The following TG variants were observed in gnomAD, a reference collection of about 807,000 sequenced individuals.
TG encodes thyroglobulin.
In TG, 270 loss-of-function variants were observed where a neutral mutation model predicts 324.7. The ratio of observed to expected loss-of-function variants is 0.83; its 90% CI spans 0.75 to 0.92. The LOEUF is 0.92. Among genes scored for constraint, TG ranks in the 40% least tolerant of loss-of-function variants. The pLI, the probability that TG is intolerant of heterozygous loss-of-function variation, is 0.00. For synonymous variants in TG, 1,401 were observed against 1,327.0 expected (o/e 1.06, Z -1.21); for missense variants, 3,591 against 3,456.4 (o/e 1.04, Z -0.98).
At chr8:132,978,043 C>T (rs987754405) in intron 34 of TG, among the ~76,000 whole-genome samples, 35 of 152,176 alleles carry the variant, frequency 2.3e-4, no homozygotes, top group Non-Finnish European at 4.7e-4. Flanking sequence ...TTTTGCATTG[C>T]TATAAAGGAG....
intron 41 of TG, among the ~76,000 whole-genome samples, chr8:133,044,419 T>G (rs115928087): frequency 0.01 from 1,535 of 152,262 alleles, 28 homozygotes; most frequent in African/African-American, 0.035. Flanking sequence ...ATGAATTAAA[T>G]GTAATTCTTA....
Position 133,131,891 on chromosome 8 carries a change from G to A in TG, c.7942G>A (p.Glu2648Lys). ...CTACGAGGGGCAGTTTTCTCTGGAG[G>A]AGAAGAGCCTGTCGCTGAAAATCAT... is the stretch of plus-strand genomic sequence containing the variant. ...PAYEGQFSLE[E>K]KSLSLKIMQY... Residue 2648 changes from glutamate (E) to lysine (K), a missense_variant, in exon 46 of 48, where the codon GAG (glutamate) becomes AAG (lysine). Physicochemically the swap from Glu to Lys is moderately conservative, Grantham distance 56. Coordinates refer to ENST00000220616, the MANE Select transcript of TG (RefSeq NM_003235.5). 1 of 1,614,188 alleles carries A rather than the reference G, an allele frequency of 6.2e-7. No individual in the cohort carries two copies. Among genetic ancestry groups the A allele is most frequent in the South Asian group, 1.1e-5 (1 of 91,080 alleles).
Position 133,093,407 on chromosome 8 carries a change from C to T in TG, c.7240-1637C>T, listed in dbSNP as rs188131836. ...AGAGTGAGCCACTGGCTGGAGATCACGTAGCCCAGGAGCCTTGCTTTGTTT... is the reference window on the plus strand; with the variant it reads ...AGAGTGAGCCACTGGCTGGAGATCATGTAGCCCAGGAGCCTTGCTTTGTTT... On this transcript the variant is annotated intron_variant, in intron 41 of 47. Transcript: ENST00000220616. 1.6e-3 allele frequency among the ~76,000 whole-genome samples: 249 copies of T among 152,260 alleles called. 1 individual carries two copies. Among genetic ancestry groups the T allele is most frequent in the Middle Eastern group, 6.8e-3 (2 of 294 alleles).
At chr8:133,028,226 G>T (rs115368840) in intron 40 of TG, among the ~76,000 whole-genome samples, 2,594 of 152,276 alleles carry the variant, frequency 0.017, 92 homozygotes, top group African/African-American at 0.06. Context: ...GACTCAGTTG[G>T]TGCCCTGCTT....
chr8:133,005,821 G>A (rs2130857827), intron 35 of TG, among the ~76,000 whole-genome samples: 2 of 152,282 alleles, frequency 1.3e-5, no homozygotes, highest in South Asian at 4.1e-4. Context: ...TGTGCAGAGG[G>A]CTGTGTGGTC....
chr8:132,998,465 C>T (rs1833099372), intron 35 of TG, among the ~76,000 whole-genome samples: 1 of 152,190 alleles, frequency 6.6e-6, no homozygotes. Flanking sequence ...TTTCTTTGCC[C>T]ATGCTCAGCA....
chr8:132,999,539 G>T (rs1480162514), intron 35 of TG, among the ~76,000 whole-genome samples: 1 of 152,160 alleles, frequency 6.6e-6, no homozygotes, highest in Non-Finnish European at 1.5e-5. Flanking sequence ...ACCCATTGAG[G>T]TGCATAACGA....
intron 41 of TG, among the ~76,000 whole-genome samples, chr8:133,086,313 A>G (rs1433384424): frequency 6.6e-6 from 1 of 152,256 alleles, no homozygotes; most frequent in Non-Finnish European, 1.5e-5. Flanking sequence ...GACTATAACT[A>G]AAAACCATTG....
intron 18 of TG, among the ~76,000 whole-genome samples, chr8:132,910,498 C>G (rs1218781029): frequency 3.9e-5 from 6 of 152,126 alleles, no homozygotes; most frequent in African/African-American, 1.4e-4. Context: ...AATTCATATC[C>G]AAACCATAAT....
chr8:132,871,198 C>A, intron 3 of TG, 150 bp from the exon 4 acceptor site: 1 of 781,980 alleles, frequency 1.3e-6, no homozygotes, highest in Admixed American at 2.0e-5. Flanking sequence ...TAGGCCTGTT[C>A]TGTGGCTGCC....
At chr8:132,889,679 A>C (rs929153354) in intron 10 of TG, among the ~76,000 whole-genome samples, 3 of 152,212 alleles carry the variant, frequency 2.0e-5, no homozygotes, top group Non-Finnish European at 4.4e-5. Context: ...TTACATGGGG[A>C]CATTCCTATA....
intron 41 of TG, among the ~76,000 whole-genome samples, chr8:133,071,042 T>G (rs1032449726): frequency 4.6e-5 from 7 of 152,220 alleles, no homozygotes; most frequent in African/African-American, 1.7e-4. Flanking sequence ...TTTCCTCTTT[T>G]GGTGTCAGTT....
intron 41 of TG, among the ~76,000 whole-genome samples, chr8:133,072,687 A>G (rs1182133199): frequency 1.3e-5 from 2 of 152,250 alleles, no homozygotes; most frequent in South Asian, 2.1e-4. Context: ...CACTAGAATG[A>G]ATAATTTCTG....
Position 132,887,175 on chromosome 8 carries a change from G to A in TG, c.1803G>A (p.Thr601=), listed in dbSNP as rs756212673. ...GAGATTTAGGTGATGTGATGGAAAC[G>A]GTACTCAGCTCCCAGACCTGTGAGC... ...VARDLGDVME[T]VLSSQTCEQT... The change falls in exon 9 of 48, where the codon ACG becomes ACA. Residue 601 remains threonine, a synonymous_variant. Transcript: ENST00000220616. 3.5e-5 allele frequency: 57 copies of A among 1,613,906 alleles called. No homozygotes were observed. The highest frequency in any genetic ancestry group is 4.2e-5 in the Non-Finnish European group (50 of 1,179,936).
rs1822309646 is a variant in TG, at chr8:132,929,101, A to C, written c.4725A>C (p.Pro1575=). The C allele has an allele frequency of 1.9e-6, 3 of 1,613,962 alleles. No individual in the cohort carries two copies. Among genetic ancestry groups the C allele is most frequent in the Non-Finnish European group, 8.5e-7 (1 of 1,180,028 alleles). ...CLMMQKFEKV[P]ESKVIFDANA... ...TGATGCAGAAGTTTGAGAAGGTTCC[A>C]GAATCAAAGGTGATCTTCGACGCCA... The change falls in exon 23 of 48, where the codon CCA becomes CCC. Residue 1575 remains proline (P), a synonymous_variant. Transcript: ENST00000220616.
chr8:132,967,868 C>G lies in TG; in HGVS notation c.5761C>G (p.Leu1921Val), dbSNP rs753941478. 3 of 1,614,014 alleles carry G rather than the reference C, an allele frequency of 1.9e-6. No individual in the cohort carries two copies. In the South Asian group the frequency reaches 3.3e-5, roughly 18 times the overall value. ...TGCATCCTTGTACTTCACCTGCACCCTCTACCCAGAGGCACAGGTGTGTGA... is the reference window on the plus strand; with the variant it reads ...TGCATCCTTGTACTTCACCTGCACCGTCTACCCAGAGGCACAGGTGTGTGA... ...ESASLYFTCT[L>V]YPEAQVCDDI... is the part of the protein sequence containing the mutation. The change falls in exon 31 of 48, where the codon CTC (leucine) becomes GTC (valine). Residue 1921 changes from leucine to valine, a missense_variant. By Grantham distance (32) the Leu-to-Val change is conservative (BLOSUM62 1). Transcript: ENST00000220616.
intron 16 of TG, among the ~76,000 whole-genome samples, chr8:132,902,614 C>T (rs930535601): frequency 8.5e-5 from 13 of 152,206 alleles, no homozygotes; most frequent in African/African-American, 2.2e-4. Context: ...GCAGGATACA[C>T]AGTAGGTGCT....
intron 30 of TG, 103 bp downstream of exon 30, chr8:132,966,800 G>T: frequency 7.1e-7 from 1 of 1,411,014 alleles, no homozygotes; most frequent in Non-Finnish European, 1.0e-6. Flanking sequence ...CAAATTTTGT[G>T]TCATAACTCA....
intron 3 of TG, 93 bp from the exon 4 acceptor site, chr8:132,871,255 T>C: frequency 1.5e-6 from 2 of 1,349,092 alleles, no homozygotes; most frequent in South Asian, 1.2e-5. Flanking sequence ...CTCTCAGCTG[T>C]GTCCCCTTGG....
Sources: allele counts gnomAD v4.1 joint callset (sites outside exome capture counted in the v4.1 genomes callset), GRCh38; gene constraint gnomAD v4.1.1; transcripts MANE v1.5; gene names NCBI Gene and HGNC (gene_info 2026-07-23, HGNC 2026-07-21).